Variants in DIAPH3 observed in about 807,000 individuals in gnomAD.
DIAPH3 encodes diaphanous related formin 3, also known as protein diaphanous homolog 3.
A neutral mutation model predicts 144.3 loss-of-function variants in DIAPH3; 117 were observed. That is an observed-to-expected ratio of 0.81 (90% confidence interval 0.70 to 0.95). DIAPH3 has a LOEUF of 0.95. Among genes scored for constraint, DIAPH3 ranks in the 40% least tolerant of loss-of-function variants. The pLI is 0.00. For synonymous variants in DIAPH3, 519 were observed against 488.9 expected (o/e 1.06, Z -0.81); for missense variants, 1,421 against 1,412.7 (o/e 1.01, Z -0.09).
At chr13:59,989,958 T>C (rs2051700710) in intron 12 of DIAPH3, among the ~76,000 whole-genome samples, 1 of 151,932 alleles carries the variant, frequency 6.6e-6, no homozygotes, top group South Asian at 2.1e-4. Context: ...GAGTTTACTT[T>C]AGAGTAAATA....
chr13:59,922,738 G>A (rs1376513243), intron 18 of DIAPH3, among the ~76,000 whole-genome samples: 1 of 151,958 alleles, frequency 6.6e-6, no homozygotes, highest in Admixed American at 6.6e-5. Context: ...ATATGACATG[G>A]TATAAATTCT....
At chr13:59,992,013 G>T in intron 11 of DIAPH3, 55 bp downstream of exon 11, 1 of 1,401,298 alleles carries the variant, frequency 7.1e-7, no homozygotes, top group South Asian at 1.2e-5. Flanking sequence ...TGAGTATTTT[G>T]GATTTAGCAA....
At chr13:59,901,261 C>T (rs1739612468) in intron 20 of DIAPH3, among the ~76,000 whole-genome samples, 1 of 152,248 alleles carries the variant, frequency 6.6e-6, no homozygotes, top group Non-Finnish European at 1.5e-5. Context: ...GGCTGCAAGG[C>T]CATGCATGAT....
At chr13:59,942,874 G>A (rs1221050524) in intron 17 of DIAPH3, among the ~76,000 whole-genome samples, 3 of 152,096 alleles carry the variant, frequency 2.0e-5, no homozygotes, top group Non-Finnish European at 4.4e-5. Context: ...AACAACATTT[G>A]TTTTAACAGC....
intron 1 of DIAPH3, among the ~76,000 whole-genome samples, chr13:60,136,565 C>T (rs1478591713): frequency 6.6e-6 from 1 of 151,370 alleles, no homozygotes; most frequent in Non-Finnish European, 1.5e-5. Flanking sequence ...ACATATATTA[C>T]CTACCTGGCC....
At chr13:59,889,121 G>C (rs1473961899) in intron 20 of DIAPH3, among the ~76,000 whole-genome samples, 1 of 151,880 alleles carries the variant, frequency 6.6e-6, no homozygotes, top group Non-Finnish European at 1.5e-5. Context: ...GTTGGGATCT[G>C]CTGAGCCTCT....
chr13:59,778,189 C>T (rs1237521558), intron 25 of DIAPH3, among the ~76,000 whole-genome samples: 1 of 152,204 alleles, frequency 6.6e-6, no homozygotes, highest in African/African-American at 2.4e-5. Flanking sequence ...TCTTACCCTT[C>T]CTTCAAAACG....
At chr13:59,840,189 T>C (rs753239789) in intron 22 of DIAPH3, among the ~76,000 whole-genome samples, 4 of 152,114 alleles carry the variant, frequency 2.6e-5, no homozygotes, top group Admixed American at 6.6e-5. Context: ...AAAAAGAAGA[T>C]AGAGTGACCT....
chr13:60,026,204 C>A, intron 5 of DIAPH3, among the ~76,000 whole-genome samples: 1 of 152,054 alleles, frequency 6.6e-6, no homozygotes. Context: ...TTTCCAAATC[C>A]ATTCCTGACA....
chr13:59,776,686 G>A (rs2038431368), intron 25 of DIAPH3, among the ~76,000 whole-genome samples: 1 of 151,992 alleles, frequency 6.6e-6, no homozygotes, highest in Non-Finnish European at 1.5e-5. Context: ...TAAAGTTTAA[G>A]GGAAAAAAAC....
chr13:60,042,586 T>G (rs2055760964), intron 5 of DIAPH3, 104 bp downstream of exon 5: 1 of 1,390,978 alleles, frequency 7.2e-7, no homozygotes, highest in Non-Finnish European at 1.0e-6. Flanking sequence ...CAGTTTGTAC[T>G]TTGAGAAACT....
chr13:59,716,982 T>C lies in DIAPH3; in HGVS notation c.3320-50136A>G, dbSNP rs75026134. Among the ~76,000 whole-genome samples the C allele has an allele frequency of 2.4e-3, 368 of 152,222 alleles. 1 individual carries two copies. Among genetic ancestry groups the C allele is most frequent in the African/African-American group, 8.3e-3 (345 of 41,554 alleles). ...AGTAGTAAGAATAAAAAAATCTCAC[T>C]TAATTTTTTAAAAATTTCATGTACT... is the stretch of plus-strand genomic sequence containing the variant. On this transcript the variant is annotated intron_variant, in intron 27 of 27. Coordinates refer to ENST00000400324, the MANE Select transcript of DIAPH3 (RefSeq NM_001042517.2).
chr13:59,885,772 G>A (rs2045405076), intron 20 of DIAPH3, among the ~76,000 whole-genome samples: 1 of 152,074 alleles, frequency 6.6e-6, no homozygotes, highest in Non-Finnish European at 1.5e-5. Context: ...GCCCTAGACT[G>A]GAGTGATACA....
rs1020965990 is a variant in DIAPH3 at position 59,666,373 on chromosome 13, A to G, written c.*211T>C. The G allele has an allele frequency of 2.3e-6, 1 of 435,682 alleles. No homozygotes were observed. Among genetic ancestry groups the G allele is most frequent in the Non-Finnish European group, 3.9e-6 (1 of 256,050 alleles). 27.0% of individuals were successfully genotyped at this position (435,682 alleles called of 1,614,324 possible). On this transcript the variant is annotated 3_prime_UTR_variant, in exon 28 of 28. Transcript: ENST00000400324. ...ACCAGGAGACAAAAAAAAAAAAAAA[A>G]GGATTAAAGCCCGGTACAATCTTGA...
intron 9 of DIAPH3, among the ~76,000 whole-genome samples, chr13:59,995,165 T>G (rs1365256137): frequency 6.6e-6 from 1 of 151,834 alleles, no homozygotes; most frequent in Non-Finnish European, 1.5e-5. Flanking sequence ...AAATTCTGAT[T>G]GAGATGTATA....
At chr13:59,693,214 A>G (rs2033630104) in intron 27 of DIAPH3, among the ~76,000 whole-genome samples, 1 of 152,162 alleles carries the variant, frequency 6.6e-6, no homozygotes, top group African/African-American at 2.4e-5. Flanking sequence ...CAAAGAGAAG[A>G]GTGACTGGAC....
chr13:60,096,670 C>T (rs1339689162), intron 3 of DIAPH3, among the ~76,000 whole-genome samples: 2 of 152,152 alleles, frequency 1.3e-5, no homozygotes, highest in African/African-American at 2.4e-5. Context: ...AACAAAAAGG[C>T]AGAAGAAAGG....
intron 1 of DIAPH3, among the ~76,000 whole-genome samples, chr13:60,138,967 CA>C (rs755490420): frequency 6.6e-6 from 1 of 152,150 alleles, no homozygotes; most frequent in Non-Finnish European, 1.5e-5. Context: ...TCCTTTCCAA[CA>C]ATAATGTATG....
chr13:59,817,970 C>T (rs1213169303), intron 24 of DIAPH3, among the ~76,000 whole-genome samples: 1 of 151,934 alleles, frequency 6.6e-6, no homozygotes, highest in Non-Finnish European at 1.5e-5. Flanking sequence ...CATTTGTTTT[C>T]ATAGTACCTA....
Sources: gnomAD v4.1 joint callset for allele counts (sites outside exome capture counted in the v4.1 genomes callset) on GRCh38, gnomAD v4.1.1 for gene constraint, MANE v1.5 for transcripts, NCBI Gene and HGNC (gene_info 2026-07-23, HGNC 2026-07-21) for gene names.